The following LRRC4C variants were observed in gnomAD, a reference collection of about 807,000 sequenced individuals.
The protein encoded by LRRC4C is leucine-rich repeat-containing protein 4C.
LRRC4C carries 5 observed loss-of-function variants against 33.6 expected under a neutral mutation model. That is an observed-to-expected ratio of 0.15 (90% CI 0.08 to 0.31). LRRC4C has a LOEUF of 0.31. Ranked by LOEUF, LRRC4C falls within the 10% of genes least tolerant of loss-of-function variation. The pLI is 1.00. For synonymous variants in LRRC4C, 329 were observed against 302.0 expected (o/e 1.09, Z -0.93); for missense variants, 560 against 796.7 (o/e 0.70, Z 3.58).
At chr11:41,140,189 A>G (rs1264765074) in intron 1 of LRRC4C, among the ~76,000 whole-genome samples, 1 of 152,154 alleles carries the variant, frequency 6.6e-6, no homozygotes, top group Non-Finnish European at 1.5e-5. Flanking sequence ...GTAGATGACA[A>G]TGTTGAAATT....
At chr11:40,620,726 A>G (rs1259835756) in intron 3 of LRRC4C, among the ~76,000 whole-genome samples, 1 of 151,866 alleles carries the variant, frequency 6.6e-6, no homozygotes, top group Admixed American at 6.6e-5. Context: ...TTTAAAAGAC[A>G]ATGATATTGC....
rs115444260 is a variant in LRRC4C, at chr11:41,316,576, G to A, written c.-496+142855C>T. On this transcript the variant is annotated intron_variant, in intron 1 of 6. Transcript: ENST00000528697. ...CTCTCTAGGAACTTCAACTCTATTC[G>A]TCTGAATTAAGGATCTACGTTCTGA... is the stretch of plus-strand genomic sequence containing the variant. 6.7e-3 allele frequency among the ~76,000 whole-genome samples: 1,016 copies of A among 152,136 alleles called. 10 individuals are homozygous for A. The highest frequency in any genetic ancestry group is 0.023 in the African/African-American group (970 of 41,496).
At chr11:41,328,275 G>T (rs1278015916) in intron 1 of LRRC4C, among the ~76,000 whole-genome samples, 1 of 152,186 alleles carries the variant, frequency 6.6e-6, no homozygotes, top group Non-Finnish European at 1.5e-5. Context: ...GTCCCTGCTG[G>T]AGGAGTGCTC....
At chr11:40,994,784 T>C (rs1346270225) in intron 1 of LRRC4C, among the ~76,000 whole-genome samples, 2 of 144,498 alleles carry the variant, frequency 1.4e-5, no homozygotes, top group African/African-American at 2.6e-5. Context: ...TTTTCTTTAC[T>C]GTCTCTTTAA....
intron 1 of LRRC4C, among the ~76,000 whole-genome samples, chr11:40,987,666 G>C (rs1421387771): frequency 5.5e-4 from 12 of 21,710 alleles, no homozygotes; most frequent in African/African-American, 1.7e-3. Flanking sequence ...ATATATATGA[G>C]ATATAAATGA....
chr11:40,850,159 GT>G (rs955773046), intron 2 of LRRC4C, among the ~76,000 whole-genome samples: 3 of 150,892 alleles, frequency 2.0e-5, no homozygotes, highest in Admixed American at 6.6e-5. Flanking sequence ...TCTCCATCCA[GT>G]TTTTTTTTCC....
intron 1 of LRRC4C, among the ~76,000 whole-genome samples, chr11:41,323,122 A>G (rs182717134): frequency 7.7e-4 from 118 of 152,340 alleles, no homozygotes; most frequent in African/African-American, 2.8e-3. Flanking sequence ...AATGATTTCC[A>G]AAGTGTGGAA....
At chr11:41,450,221 G>A (rs902886050) in intron 1 of LRRC4C, among the ~76,000 whole-genome samples, 2 of 151,998 alleles carry the variant, frequency 1.3e-5, no homozygotes, top group Non-Finnish European at 2.9e-5. Flanking sequence ...TCTGTACAAG[G>A]CACTGGCACC....
At chr11:41,326,814 G>A (rs1225492510) in intron 1 of LRRC4C, among the ~76,000 whole-genome samples, 1 of 152,140 alleles carries the variant, frequency 6.6e-6, no homozygotes, top group East Asian at 1.9e-4. Flanking sequence ...TAAGAAAAAG[G>A]GCTAACTCTG....
chr11:40,259,907 G>A (rs1316706669), intron 4 of LRRC4C, among the ~76,000 whole-genome samples: 6 of 151,528 alleles, frequency 4.0e-5, no homozygotes, highest in Non-Finnish European at 7.4e-5. Context: ...GGAAACAACA[G>A]GTGCTGGAGA....
At chr11:41,012,290 G>C (rs1855257111) in intron 1 of LRRC4C, among the ~76,000 whole-genome samples, 1 of 151,920 alleles carries the variant, frequency 6.6e-6, no homozygotes, top group South Asian at 2.1e-4. Context: ...CTCTCCATAA[G>C]ATATACTTTT....
At chr11:41,454,848 A>G (rs1238976985) in intron 1 of LRRC4C, among the ~76,000 whole-genome samples, 1 of 152,138 alleles carries the variant, frequency 6.6e-6, no homozygotes, top group African/African-American at 2.4e-5. Flanking sequence ...CTGAATTAGT[A>G]TGGTCTTCCT....
chr11:40,839,453 C>T (rs1952819506), intron 2 of LRRC4C, among the ~76,000 whole-genome samples: 1 of 152,106 alleles, frequency 6.6e-6, no homozygotes, highest in Non-Finnish European at 1.5e-5. Flanking sequence ...ACCATGTTAG[C>T]CAGGCTGGTC....
chr11:41,192,740 G>C (rs1317504315), intron 1 of LRRC4C, among the ~76,000 whole-genome samples: 1 of 152,010 alleles, frequency 6.6e-6, no homozygotes, highest in African/African-American at 2.4e-5. Flanking sequence ...AATCATTACA[G>C]GACAACTTAA....
rs562689854 is a variant in LRRC4C, at chr11:40,161,027, A to G, written c.-95-20174T>C. On this transcript the variant is annotated intron_variant, in intron 5 of 6. Coordinates refer to ENST00000528697, the MANE Select transcript of LRRC4C (RefSeq NM_001258419.2). ...GTCTTGAATATCCTATAACCAGATT[A>G]TTTAAATTATTGACCATGGGGCTTC... is the stretch of plus-strand genomic sequence containing the variant. Among the ~76,000 whole-genome samples the G allele has an allele frequency of 1.2e-4, 19 of 152,332 alleles. No homozygotes were observed. The South Asian group carries it at 2.3e-3, about 18-fold the overall frequency.
At chr11:41,344,708 A>G (rs957314199) in intron 1 of LRRC4C, among the ~76,000 whole-genome samples, 5 of 152,240 alleles carry the variant, frequency 3.3e-5, no homozygotes, top group Non-Finnish European at 7.3e-5. Context: ...GCTAGATTGA[A>G]TGCTCCTGAG....
At chr11:41,003,474 G>A (rs529447829) in intron 1 of LRRC4C, among the ~76,000 whole-genome samples, 36 of 152,240 alleles carry the variant, frequency 2.4e-4, no homozygotes, top group African/African-American at 7.2e-4. Flanking sequence ...ATACCTTGGG[G>A]AATACGGTAT....
At chr11:40,500,208 C>T (rs1043292838) in intron 3 of LRRC4C, among the ~76,000 whole-genome samples, 2 of 146,400 alleles carry the variant, frequency 1.4e-5, no homozygotes, top group South Asian at 2.2e-4. Flanking sequence ...GATTATAATG[C>T]CAATGGCATA....
At chr11:41,125,461 C>T (rs963743482) in intron 1 of LRRC4C, among the ~76,000 whole-genome samples, 1 of 151,664 alleles carries the variant, frequency 6.6e-6, no homozygotes, top group African/African-American at 2.4e-5. Flanking sequence ...TATTATGTAT[C>T]ATTAACAAAT....
Sources: gnomAD v4.1 joint callset for allele counts (sites outside exome capture counted in the v4.1 genomes callset) on GRCh38, gnomAD v4.1.1 for gene constraint, MANE v1.5 for transcripts, NCBI Gene and HGNC (gene_info 2026-07-23, HGNC 2026-07-21) for gene names.